Variants in PSMA1 observed in about 807,000 individuals in gnomAD.
PSMA1 encodes the protein proteasome 20S subunit alpha 1.
A neutral mutation model predicts 38.4 loss-of-function variants in PSMA1; 3 were observed. The ratio of observed to expected loss-of-function variants is 0.08; its 90% confidence interval spans 0.04 to 0.20. The LOEUF is 0.20. Ranked by LOEUF, PSMA1 falls within the 10% of genes least tolerant of loss-of-function variation. The pLI is 1.00. For missense variants in PSMA1, 227 were observed against 325.3 expected (o/e 0.70, Z 2.32); for synonymous variants, 101 against 107.1 (o/e 0.94, Z 0.35).
intron 8 of PSMA1, among the ~76,000 whole-genome samples, chr11:14,508,009 C>T (rs1257665567): frequency 6.6e-6 from 1 of 152,112 alleles, no homozygotes; most frequent in Non-Finnish European, 1.5e-5. Context: ...TATCTAGAAA[C>T]ATTTTTTTAA....
chr11:14,607,160 C>T (rs947848556), intron 2 of PSMA1, among the ~76,000 whole-genome samples: 6 of 152,154 alleles, frequency 3.9e-5, no homozygotes, highest in African/African-American at 4.8e-5. Flanking sequence ...GGCAGAGAGC[C>T]GACAGGAGTA....
chr11:14,576,491 T>C (rs1298678070), intron 2 of PSMA1, among the ~76,000 whole-genome samples: 1 of 152,256 alleles, frequency 6.6e-6, no homozygotes. Context: ...TTTAGCTTTC[T>C]ACATATGGCT....
intron 1 of PSMA1, 165 bp downstream of exon 1, chr11:14,520,132 C>T: frequency 6.2e-6 from 7 of 1,134,476 alleles, no homozygotes; most frequent in Non-Finnish European, 9.0e-6. Context: ...ACCCCTAGCC[C>T]GGCCAGGCCG....
chr11:14,615,443 A>G (rs1263584525), intron 1 of PSMA1, among the ~76,000 whole-genome samples: 2 of 152,218 alleles, frequency 1.3e-5, no homozygotes, highest in African/African-American at 4.8e-5. Flanking sequence ...GAAGAGTACA[A>G]TTGTAATATT....
At chr11:14,581,438 T>C (rs998301968) in intron 2 of PSMA1, among the ~76,000 whole-genome samples, 3 of 152,190 alleles carry the variant, frequency 2.0e-5, no homozygotes, top group African/African-American at 7.2e-5. Context: ...TTTAGTAAAA[T>C]GGATATGATA....
intron 2 of PSMA1, among the ~76,000 whole-genome samples, chr11:14,609,590 G>A (rs1287835301): frequency 6.6e-6 from 1 of 152,158 alleles, no homozygotes; most frequent in Non-Finnish European, 1.5e-5. Flanking sequence ...AAACCTAGAG[G>A]ATGTTAAAGA....
chr11:14,612,174 T>C (rs1852718105), intron 1 of PSMA1, among the ~76,000 whole-genome samples: 1 of 152,242 alleles, frequency 6.6e-6, no homozygotes, highest in Admixed American at 6.5e-5. Context: ...TGTGAAGTTT[T>C]ATTATGAAAC....
chr11:14,639,760 C>A (rs1853173983), intron 1 of PSMA1, among the ~76,000 whole-genome samples: 1 of 152,164 alleles, frequency 6.6e-6, no homozygotes, highest in Non-Finnish European at 1.5e-5. Flanking sequence ...CTGCTTGCTT[C>A]CTTTGCCCAG....
intron 2 of PSMA1, among the ~76,000 whole-genome samples, chr11:14,566,469 T>C (rs919907427): frequency 7.9e-5 from 12 of 152,266 alleles, no homozygotes; most frequent in African/African-American, 2.9e-4. Context: ...TCAACATAAG[T>C]GGCCACATGT....
chr11:14,598,824 T>G (rs1360974707), intron 2 of PSMA1, among the ~76,000 whole-genome samples: 1 of 151,936 alleles, frequency 6.6e-6, no homozygotes. Context: ...TTGATGCAGT[T>G]TATTCCTAGC....
chr11:14,533,384 G>A (rs927064744), intron 2 of PSMA1, among the ~76,000 whole-genome samples: 2 of 152,054 alleles, frequency 1.3e-5, no homozygotes, highest in Non-Finnish European at 2.9e-5. Flanking sequence ...ACCACTGTTG[G>A]TACTCAAGAA....
intron 1 of PSMA1, among the ~76,000 whole-genome samples, chr11:14,614,287 T>A (rs1171795666): frequency 6.6e-6 from 1 of 152,164 alleles, no homozygotes; most frequent in South Asian, 2.1e-4. Context: ...AGAAGTGTCA[T>A]CAGTGGATTT....
chr11:14,556,781 C>A (rs1437790524), intron 2 of PSMA1, among the ~76,000 whole-genome samples: 1 of 152,158 alleles, frequency 6.6e-6, no homozygotes, highest in Non-Finnish European at 1.5e-5. Context: ...CATCCAGTTG[C>A]TCTAGCACTA....
rs536419990 is a variant in PSMA1 at position 14,631,621 on chromosome 11, G to A, written c.-166+11834C>T. Among the ~76,000 whole-genome samples, 6 of 152,270 alleles carry A rather than the reference G, an allele frequency of 3.9e-5. No individual in the cohort carries two copies. The South Asian group carries it at 6.2e-4, about 16-fold the overall frequency. ...AAGTTTGGAATAGGTGTGGTGTGGT[G>A]CTGAAAAAAATGTATATTCTGTTGA... On this transcript the variant is annotated intron_variant, in intron 1 of 10. Transcript: ENST00000418988.
At chr11:14,547,019 G>C (rs1268144656) in intron 2 of PSMA1, among the ~76,000 whole-genome samples, 1 of 152,196 alleles carries the variant, frequency 6.6e-6, no homozygotes, top group East Asian at 1.9e-4. Context: ...AGTGGCTCAA[G>C]TTGTTAGTTT....
At chr11:14,548,802 G>A (rs1429549064) in intron 2 of PSMA1, among the ~76,000 whole-genome samples, 1 of 152,046 alleles carries the variant, frequency 6.6e-6, no homozygotes, top group Non-Finnish European at 1.5e-5. Flanking sequence ...GTCTTTTCTT[G>A]ACTGTGTAAT....
intron 1 of PSMA1, among the ~76,000 whole-genome samples, chr11:14,629,970 G>C (rs1270929691): frequency 6.6e-6 from 1 of 152,084 alleles, no homozygotes; most frequent in Non-Finnish European, 1.5e-5. Flanking sequence ...CTCTCCGTCT[G>C]TTGTTGGTGT....
chr11:14,621,539 G>T (rs928768780), intron 1 of PSMA1, among the ~76,000 whole-genome samples: 4 of 152,082 alleles, frequency 2.6e-5, no homozygotes, highest in African/African-American at 9.7e-5. Flanking sequence ...CTAAAGAGCT[G>T]GGATTACAGG....
At chr11:14,618,666 C>A (rs1210801712) in intron 1 of PSMA1, among the ~76,000 whole-genome samples, 1 of 152,200 alleles carries the variant, frequency 6.6e-6, no homozygotes, top group Non-Finnish European at 1.5e-5. Context: ...ACATTATAGA[C>A]AAATGACAAC....
Sources: gnomAD v4.1 joint callset for allele counts (sites outside exome capture counted in the v4.1 genomes callset) on GRCh38, gnomAD v4.1.1 for gene constraint, MANE v1.5 for transcripts, NCBI Gene and HGNC (gene_info 2026-07-23, HGNC 2026-07-21) for gene names.